Variants in SYTL2 observed in about 807,000 individuals in gnomAD.
SYTL2 encodes synaptotagmin-like protein 2.
A neutral mutation model predicts 198.7 loss-of-function variants in SYTL2; 165 were observed. That is an observed-to-expected ratio of 0.83 (90% CI 0.73 to 0.94). The LOEUF (loss-of-function observed/expected upper bound fraction) is 0.94, where lower values mean the gene tolerates loss of function less well. SYTL2 is among the 40% of genes least tolerant of loss of function. The probability of loss-of-function intolerance (pLI) is 0.00; values close to 1 mark genes in which losing one functional copy is unlikely to be tolerated. For synonymous variants in SYTL2, 966 were observed against 917.7 expected (o/e 1.05, Z -0.95); for missense variants, 2,835 against 2,582.8 (o/e 1.10, Z -2.12).
intron 1 of SYTL2, among the ~76,000 whole-genome samples, chr11:85,801,966 C>G (rs1013895486): frequency 5.9e-5 from 9 of 151,890 alleles, no homozygotes; most frequent in African/African-American, 2.2e-4. Flanking sequence ...AGGCACCCAC[C>G]ACCATGCCCG....
At position 85,748,489 on chromosome 11, in the gene SYTL2, C is replaced by T. The variant is rs148218295; in HGVS notation, c.102-66G>A. 8.5e-4 allele frequency: 1,278 copies of T among 1,510,458 alleles called. 11 individuals carry two copies. Among genetic ancestry groups the T allele is most frequent in the South Asian group, 5.8e-3 (507 of 86,844 alleles). 93.6% of individuals were successfully genotyped at this position (1,510,458 alleles called of 1,614,324 possible). A position where few individuals can be genotyped will look rare whatever the true frequency, so the allele number is the denominator to read the frequency against. On this transcript the variant is annotated intron_variant, in intron 2 of 19. Transcript: ENST00000359152. ...GTAAATAAATGAGTTCATTATGACA[C>T]CGCATAAAGACATGTGTAAACACAC...
chr11:85,799,141 A>G (rs1345133963), intron 1 of SYTL2, among the ~76,000 whole-genome samples: 1 of 152,208 alleles, frequency 6.6e-6, no homozygotes, highest in African/African-American at 2.4e-5. Flanking sequence ...AAAAACCTTA[A>G]AAAGACAGGG....
At chr11:85,737,462 G>T in intron 5 of SYTL2, 113 bp downstream of exon 5, 3 of 768,018 alleles carry the variant, frequency 3.9e-6, no homozygotes, top group Non-Finnish European at 6.4e-6. Context: ...ACCTGTATTT[G>T]GTACCAAAAA....
the SYTL2 span, among the ~76,000 whole-genome samples, chr11:85,818,402 G>A: frequency 6.6e-6 from 1 of 151,112 alleles, no homozygotes; most frequent in African/African-American, 2.5e-5. Context: ...TCAGATTAGG[G>A]TTTGCTGTTG....
chr11:85,753,003 G>A (rs907162966), intron 2 of SYTL2, among the ~76,000 whole-genome samples: 1 of 142,794 alleles, frequency 7.0e-6, no homozygotes, highest in African/African-American at 2.5e-5. Context: ...GGTGGCGGTT[G>A]AGATCGTATC....
intron 1 of SYTL2, among the ~76,000 whole-genome samples, chr11:85,792,258 C>T (rs935011814): frequency 3.9e-5 from 6 of 151,954 alleles, no homozygotes; most frequent in African/African-American, 9.7e-5. Flanking sequence ...TGACTTGGGG[C>T]TCTGCCAATA....
chr11:85,793,833 T>C (rs900705988), intron 1 of SYTL2, among the ~76,000 whole-genome samples: 2 of 152,252 alleles, frequency 1.3e-5, no homozygotes, highest in African/African-American at 4.8e-5. Flanking sequence ...GCAATTGCAT[T>C]TCCACATTGT....
chr11:85,745,892 G>T, intron 3 of SYTL2, 120 bp from the exon 4 acceptor site: 1 of 930,320 alleles, frequency 1.1e-6, no homozygotes, highest in East Asian at 2.5e-5. Flanking sequence ...CAGTGCCAAG[G>T]CAATCACTGG....
chr11:85,819,990 A>C, the SYTL2 span, among the ~76,000 whole-genome samples: 1 of 152,220 alleles, frequency 6.6e-6, no homozygotes, highest in Non-Finnish European at 1.5e-5. Context: ...ACTGAATTGA[A>C]TTTTTGAGAA....
At chr11:85,795,197 T>C (rs1250769031) in intron 1 of SYTL2, among the ~76,000 whole-genome samples, 1 of 152,196 alleles carries the variant, frequency 6.6e-6, no homozygotes, top group Non-Finnish European at 1.5e-5. Context: ...TAGCTGTTAT[T>C]ATTACTACCA....
At chr11:85,760,916 T>A (rs570322848) in intron 1 of SYTL2, among the ~76,000 whole-genome samples, 2 of 152,296 alleles carry the variant, frequency 1.3e-5, no homozygotes, top group Middle Eastern at 3.4e-3. Flanking sequence ...CAGTGCCCAA[T>A]CAAACTGTAA....
chr11:85,852,907 G>A, the SYTL2 span: 348 of 290,162 alleles, frequency 1.2e-3, 1 homozygote, highest in African/African-American at 6.9e-3. Flanking sequence ...CTGCCCGGCC[G>A]CGACCCCGTC....
intron 16 of SYTL2, among the ~76,000 whole-genome samples, chr11:85,702,426 A>G (rs532879190): frequency 6.6e-6 from 1 of 152,194 alleles, no homozygotes; most frequent in South Asian, 2.1e-4. Flanking sequence ...GACTCAAGCA[A>G]TCCACACCTC....
the SYTL2 span, among the ~76,000 whole-genome samples, chr11:85,837,357 C>T: frequency 0.26 from 39,128 of 151,968 alleles, 5,342 homozygotes; most frequent in African/African-American, 0.28. Context: ...TCTTTCTCCA[C>T]GTGAACAGAA....
chr11:85,764,281 G>T (rs916806357), intron 1 of SYTL2, among the ~76,000 whole-genome samples: 78 of 152,214 alleles, frequency 5.1e-4, no homozygotes, highest in Admixed American at 4.2e-3. Context: ...CATGATCTTG[G>T]TCATTTCCCT....
intron 15 of SYTL2, among the ~76,000 whole-genome samples, chr11:85,706,665 T>A (rs1412258221): frequency 6.6e-6 from 1 of 152,140 alleles, no homozygotes; most frequent in Non-Finnish European, 1.5e-5. Flanking sequence ...GAGAGGAAAG[T>A]TGAGGCTGGA....
intron 1 of SYTL2, among the ~76,000 whole-genome samples, chr11:85,783,490 T>C (rs1441663694): frequency 1.3e-5 from 2 of 152,188 alleles, no homozygotes; most frequent in South Asian, 2.1e-4. Context: ...TGGTTCTTCA[T>C]ATATCCTAAC....
In SYTL2 at chr11:85,707,956, C is replaced by CAAAA. The variant is rs11464135; in HGVS notation, c.5916-429_5916-426dup. On this transcript the variant is annotated intron_variant, in intron 14 of 19. Transcript: ENST00000359152. ...AAAACCCCATGAGCCAGGCTGGTCT[C>CAAAA]AAAAAAAAAAAAAAAAAAACCACAC... The CAAAA allele has an allele frequency of 6.1e-3, 525 of 85,568 alleles. 3 individuals carry two copies. Among genetic ancestry groups the CAAAA allele is most frequent in the South Asian group, 0.017 (87 of 5,234 alleles). The allele number at this position is 85,568 out of a possible 1,614,324, so 5.3% of individuals were successfully genotyped here.
In SYTL2 at chr11:85,779,089, T is replaced by C. The variant is rs2092511891; in HGVS notation, c.-389-20975A>G. ...ATACATCTATATACATAAAAACTAC[T>C]ATACATTTAGTTCTCAGTCATTTGC... is the stretch of plus-strand genomic sequence containing the variant. On this transcript the variant is annotated intron_variant, in intron 1 of 19. Transcript: ENST00000359152. 2.0e-5 allele frequency among the ~76,000 whole-genome samples: 3 copies of C among 152,138 alleles called. No homozygotes were observed. The South Asian group carries it at 6.2e-4, about 32-fold the overall frequency.
Sources: allele counts gnomAD v4.1 joint callset (sites outside exome capture counted in the v4.1 genomes callset), GRCh38; gene constraint gnomAD v4.1.1; transcripts MANE v1.5; gene names NCBI Gene and HGNC (gene_info 2026-07-23, HGNC 2026-07-21).